The following NTN4 variants were observed in gnomAD, a reference collection of about 807,000 sequenced individuals.
The protein encoded by NTN4 is netrin 4, also known as netrin-4.
A neutral mutation model predicts 73.6 loss-of-function variants in NTN4; 32 were observed. That is an observed-to-expected ratio of 0.44 (90% CI 0.33 to 0.58). The LOEUF (loss-of-function observed/expected upper bound fraction) is 0.58. Ranked by LOEUF, NTN4 falls within the 20% of genes least tolerant of loss-of-function variation. The pLI, the probability that NTN4 is intolerant of heterozygous loss-of-function variation, is 0.04. For synonymous variants in NTN4, 258 were observed against 287.5 expected, an observed-to-expected ratio of 0.90 and a Z score of 1.04; for missense variants, 654 against 798.3, an observed-to-expected ratio of 0.82 and a Z score of 2.18.
intron 5 of NTN4, 93 bp from the exon 6 acceptor site, chr12:95,683,804 C>G: frequency 1.2e-6 from 1 of 849,820 alleles, no homozygotes; most frequent in Non-Finnish European, 1.9e-6. Flanking sequence ...CTTCCCTTCA[C>G]CACACAGCAT....
At chr12:95,728,587 G>T (rs759316259) in intron 3 of NTN4, among the ~76,000 whole-genome samples, 1 of 152,156 alleles carries the variant, frequency 6.6e-6, no homozygotes, top group Non-Finnish European at 1.5e-5. Context: ...TTCAGCCTAT[G>T]GAAATACTAT....
intron 2 of NTN4, among the ~76,000 whole-genome samples, chr12:95,749,393 C>G (rs1043765604): frequency 1.3e-5 from 2 of 152,170 alleles, no homozygotes; most frequent in Admixed American, 1.3e-4. Flanking sequence ...GTCCTCAGAC[C>G]GACCAGCCCA....
At chr12:95,776,230 T>C (rs2079091495) in intron 2 of NTN4, among the ~76,000 whole-genome samples, 1 of 152,128 alleles carries the variant, frequency 6.6e-6, no homozygotes, top group African/African-American at 2.4e-5. Context: ...GGAGAAAAAC[T>C]GGAAGTTCTA....
intron 3 of NTN4, among the ~76,000 whole-genome samples, chr12:95,732,154 G>GT (rs957599883): frequency 3.9e-5 from 6 of 151,980 alleles, no homozygotes; most frequent in Non-Finnish European, 7.4e-5. Context: ...TAACTTTATT[G>GT]TTTTTTAAAT....
Position 95,732,943 on chromosome 12 carries a change from A to G in NTN4, c.864+4923T>C, listed in dbSNP as rs568267779. On this transcript the variant is annotated intron_variant, in intron 3 of 9. Coordinates refer to ENST00000343702, the MANE Select transcript of NTN4 (RefSeq NM_021229.4). ...TTATACAGCTAGGTAGCTAAGGAACATTTTCCTCAAACCCCATTATATGGT... is the reference window on the plus strand; with the variant it reads ...TTATACAGCTAGGTAGCTAAGGAACGTTTTCCTCAAACCCCATTATATGGT... Among the ~76,000 whole-genome samples, 197 of 152,306 alleles carry G rather than the reference A, an allele frequency of 1.3e-3. 1 individual carries two copies. Among genetic ancestry groups the G allele is most frequent in the African/African-American group, 4.3e-3 (178 of 41,564 alleles).
chr12:95,677,678 G>C (rs1288829979), intron 7 of NTN4, among the ~76,000 whole-genome samples: 1 of 152,112 alleles, frequency 6.6e-6, no homozygotes, highest in Non-Finnish European at 1.5e-5. Context: ...TTGCCATTCT[G>C]ACAAACAACA....
At chr12:95,677,719 T>C (rs2078283567) in intron 7 of NTN4, among the ~76,000 whole-genome samples, 1 of 152,210 alleles carries the variant, frequency 6.6e-6, no homozygotes, top group Non-Finnish European at 1.5e-5. Flanking sequence ...GAAATAGGAA[T>C]GCATTTACAC....
chr12:95,696,657 A>G (rs968100496), intron 5 of NTN4, among the ~76,000 whole-genome samples: 1 of 152,168 alleles, frequency 6.6e-6, no homozygotes, highest in African/African-American at 2.4e-5. Flanking sequence ...AACCTCCTAG[A>G]AGGTCCATAC....
chr12:95,763,540 A>G, intron 2 of NTN4, among the ~76,000 whole-genome samples: 1 of 152,208 alleles, frequency 6.6e-6, no homozygotes, highest in South Asian at 2.1e-4. Flanking sequence ...TCTATTCTCC[A>G]GGTAAATTAT....
At chr12:95,736,909 G>A (rs1206150296) in intron 3 of NTN4, among the ~76,000 whole-genome samples, 3 of 152,228 alleles carry the variant, frequency 2.0e-5, no homozygotes, top group Non-Finnish European at 2.9e-5. Context: ...AGGGCTGAGA[G>A]AAAGAAGAAA....
At chr12:95,743,742 T>C (rs2078842571) in intron 2 of NTN4, among the ~76,000 whole-genome samples, 1 of 152,228 alleles carries the variant, frequency 6.6e-6, no homozygotes, top group African/African-American at 2.4e-5. Flanking sequence ...CAATACTTGT[T>C]TTATGACTCA....
chr12:95,686,963 A>G (rs995863608), intron 5 of NTN4, among the ~76,000 whole-genome samples: 2 of 152,100 alleles, frequency 1.3e-5, no homozygotes, highest in African/African-American at 4.8e-5. Context: ...ACGTTTCTGC[A>G]TTGTGTGGGA....
chr12:95,783,086 TAGG>T (rs897926843), intron 2 of NTN4, among the ~76,000 whole-genome samples: 4 of 152,214 alleles, frequency 2.6e-5, no homozygotes, highest in African/African-American at 9.6e-5. Flanking sequence ...CTCCAACTAA[TAGG>T]AGGCTAAGCT....
intron 8 of NTN4, among the ~76,000 whole-genome samples, chr12:95,669,106 G>A (rs4528408): frequency 0.29 from 44,153 of 151,850 alleles, 6,682 homozygotes; most frequent in Admixed American, 0.31. Context: ...TATTCAGGTG[G>A]TTGAGGTATG....
chr12:95,765,965 G>C (rs140872705), intron 2 of NTN4, among the ~76,000 whole-genome samples: 10 of 152,294 alleles, frequency 6.6e-5, no homozygotes, highest in African/African-American at 2.4e-4. Flanking sequence ...GGCACCATCA[G>C]AGCCTGGTGA....
intron 2 of NTN4, among the ~76,000 whole-genome samples, chr12:95,773,364 TA>T (rs2079070729): frequency 6.6e-6 from 1 of 152,210 alleles, no homozygotes; most frequent in South Asian, 2.1e-4. Flanking sequence ...AAGCCCTGAA[TA>T]ACATATGGTT....
intron 5 of NTN4, among the ~76,000 whole-genome samples, chr12:95,691,127 G>C (rs1031228356): frequency 6.6e-6 from 1 of 152,206 alleles, no homozygotes; most frequent in Non-Finnish European, 1.5e-5. Flanking sequence ...GGTCTGCCTT[G>C]CATACTTATC....
intron 3 of NTN4, among the ~76,000 whole-genome samples, chr12:95,727,261 T>C (rs1030198933): frequency 3.9e-5 from 6 of 152,210 alleles, no homozygotes; most frequent in African/African-American, 1.4e-4. Flanking sequence ...CTTTTACTGA[T>C]TATTAAACTG....
intron 3 of NTN4, among the ~76,000 whole-genome samples, chr12:95,714,455 C>A (rs985537456): frequency 2.0e-5 from 3 of 151,536 alleles, no homozygotes; most frequent in African/African-American, 7.3e-5. Flanking sequence ...AACTAGTCAA[C>A]AAATATTTAA....
Sources: allele counts gnomAD v4.1 joint callset (sites outside exome capture counted in the v4.1 genomes callset), GRCh38; gene constraint gnomAD v4.1.1; transcripts MANE v1.5; gene names NCBI Gene and HGNC (gene_info 2026-07-23, HGNC 2026-07-21).